RAD51B: variants seen among roughly 807,000 people sequenced by gnomAD.
RAD51B encodes DNA repair protein RAD51 homolog 2.
RAD51B carries 38 observed loss-of-function variants against 42.2 expected under a neutral mutation model. The ratio of observed to expected loss-of-function variants is 0.90; its 90% CI spans 0.70 to 1.18. RAD51B has a LOEUF of 1.18. Among genes scored for constraint, RAD51B ranks in the 50% most tolerant of loss-of-function variants. The probability of loss-of-function intolerance (pLI) is 0.00; values close to 1 mark genes in which losing one functional copy is unlikely to be tolerated. For synonymous variants in RAD51B, 154 were observed against 145.2 expected (o/e 1.06, Z -0.43); for missense variants, 373 against 400.7 (o/e 0.93, Z 0.59).
intron 7 of RAD51B, among the ~76,000 whole-genome samples, chr14:68,224,770 C>A (rs1299581): frequency 0.17 from 26,560 of 151,982 alleles, 2,482 homozygotes; most frequent in Middle Eastern, 0.36. Context: ...TCTTGGCTCA[C>A]TGCAACCTCT....
At chr14:68,104,688 A>G (rs1595402779) in intron 7 of RAD51B, among the ~76,000 whole-genome samples, 2 of 152,236 alleles carry the variant, frequency 1.3e-5, no homozygotes, top group Admixed American at 1.3e-4. Context: ...CTCACATACC[A>G]ATTGAGTGAA....
At chr14:68,595,969 A>G in exon 11 of RAD51B, 2 of 579,320 alleles carry the variant, frequency 3.5e-6, no homozygotes, top group Non-Finnish European at 4.4e-6. Flanking sequence ...TTTTTTTTTC[A>G]AGTTTCCTCC....
intron 8 of RAD51B, among the ~76,000 whole-genome samples, chr14:68,368,846 TGGGA>T (rs1236466333): frequency 1.3e-5 from 2 of 152,166 alleles, no homozygotes; most frequent in Non-Finnish European, 2.9e-5. Context: ...GTCTAATAAT[TGGGA>T]GGGAAAATGA....
intron 10 of RAD51B, chr14:68,627,338 C>T (rs1378691065): frequency 1.3e-5 from 2 of 152,156 alleles, no homozygotes; most frequent in African/African-American, 4.8e-5. Flanking sequence ...CTTGTGACCA[C>T]CAGGTTATTC....
chr14:68,077,030 A>C (rs1451467347), intron 7 of RAD51B, among the ~76,000 whole-genome samples: 1 of 152,168 alleles, frequency 6.6e-6, no homozygotes, highest in Admixed American at 6.5e-5. Context: ...AGTTTAAGTT[A>C]TAAGTCTACC....
At chr14:68,170,120 AAAGATGGAGTGATTCACTCTCCAGT>A (rs1157044550) in intron 7 of RAD51B, among the ~76,000 whole-genome samples, 4 of 152,164 alleles carry the variant, frequency 2.6e-5, no homozygotes, top group Admixed American at 6.5e-5. Flanking sequence ...TTTTAAATTG[AAAGATGGAGTGATTCACTCTCCAGT>A]GTAGGAGGGA....
At chr14:68,258,415 A>C (rs1298384448) in intron 7 of RAD51B, among the ~76,000 whole-genome samples, 2 of 147,538 alleles carry the variant, frequency 1.4e-5, no homozygotes, top group Non-Finnish European at 3.0e-5. Context: ...CACCACACAC[A>C]CACACACACA....
intron 9 of RAD51B, among the ~76,000 whole-genome samples, chr14:68,423,674 G>A (rs2084765910): frequency 6.6e-6 from 1 of 152,094 alleles, no homozygotes; most frequent in Non-Finnish European, 1.5e-5. Context: ...GATTATTCAT[G>A]CATGTTACTT....
chr14:68,233,104 T>C (rs1342031188), intron 7 of RAD51B, among the ~76,000 whole-genome samples: 3 of 152,200 alleles, frequency 2.0e-5, no homozygotes, highest in South Asian at 2.1e-4. Flanking sequence ...GACTTGGGTA[T>C]GTTCATTTCT....
At chr14:68,519,859 C>T (rs955682685) in intron 10 of RAD51B, among the ~76,000 whole-genome samples, 1 of 152,076 alleles carries the variant, frequency 6.6e-6, no homozygotes, top group Non-Finnish European at 1.5e-5. Context: ...ACCTTGTTGA[C>T]TTCATCCCAC....
At chr14:68,027,525 G>A (rs948180974) in intron 7 of RAD51B, among the ~76,000 whole-genome samples, 2 of 151,822 alleles carry the variant, frequency 1.3e-5, no homozygotes, top group Non-Finnish European at 2.9e-5. Context: ...TGAATATTTT[G>A]TTCATTTTTT....
intron 7 of RAD51B, among the ~76,000 whole-genome samples, chr14:68,108,450 G>C (rs1411403838): frequency 6.6e-6 from 1 of 151,970 alleles, no homozygotes; most frequent in Non-Finnish European, 1.5e-5. Context: ...AAGGAATAAA[G>C]TAGTGATACA....
chr14:68,636,669 G>A (rs554458443), intron 10 of RAD51B, among the ~76,000 whole-genome samples: 4 of 152,226 alleles, frequency 2.6e-5, no homozygotes, highest in Middle Eastern at 3.4e-3. Context: ...GTTTGTGTTC[G>A]GAGGTTTGTA....
chr14:68,445,085 A>T (rs931566958), intron 9 of RAD51B, among the ~76,000 whole-genome samples: 1 of 152,058 alleles, frequency 6.6e-6, no homozygotes, highest in Non-Finnish European at 1.5e-5. Flanking sequence ...AGGTCCAGAG[A>T]CCTTCATTAT....
chr14:68,063,464 A>C (rs4899231), intron 7 of RAD51B, among the ~76,000 whole-genome samples: 1 of 152,030 alleles, frequency 6.6e-6, no homozygotes, highest in Admixed American at 6.5e-5. Flanking sequence ...GGCTGGGCGC[A>C]GTGGCTCACA....
At position 68,477,821 on chromosome 14, in the gene RAD51B, C is replaced by A; in HGVS notation, c.*157C>A. 6.8e-7 allele frequency: 1 copy of A among 1,461,184 alleles called. No individual in the cohort carries two copies. The highest frequency in any genetic ancestry group is 9.0e-7 in the Non-Finnish European group (1 of 1,107,308). 90.5% of individuals were successfully genotyped at this position (1,461,184 alleles called of 1,614,324 possible). A position where few individuals can be genotyped will look rare whatever the true frequency, so the allele number is the denominator to read the frequency against. On this transcript the variant is annotated 3_prime_UTR_variant, in exon 11 of 11. Transcript: ENST00000471583. ...ACAGATTTGCTCCTAAACCATTGAG[C>A]TAGCGATTTCAGACCTAGCAGGGAA...
intron 10 of RAD51B, among the ~76,000 whole-genome samples, chr14:68,567,012 C>T (rs562501395): frequency 6.6e-6 from 1 of 152,220 alleles, no homozygotes; most frequent in African/African-American, 2.4e-5. Flanking sequence ...AAAAATTCAA[C>T]TTTACTGGCC....
At chr14:68,266,694 T>C (rs1438259179) in intron 7 of RAD51B, among the ~76,000 whole-genome samples, 1 of 152,160 alleles carries the variant, frequency 6.6e-6, no homozygotes, top group Admixed American at 6.5e-5. Flanking sequence ...TACAAATCAA[T>C]AGAGGACAGA....
At chr14:67,952,398 A>G (rs748877521) in intron 7 of RAD51B, among the ~76,000 whole-genome samples, 8 of 152,184 alleles carry the variant, frequency 5.3e-5, no homozygotes, top group Non-Finnish European at 1.0e-4. Context: ...GGACAGATAT[A>G]TGGGAAGAAG....
Sources: allele counts gnomAD v4.1 joint callset (sites outside exome capture counted in the v4.1 genomes callset), GRCh38; gene constraint gnomAD v4.1.1; transcripts MANE v1.5; gene names NCBI Gene and HGNC (gene_info 2026-07-23, HGNC 2026-07-21).